The following IFT140 variants were observed in gnomAD, a reference collection of about 807,000 sequenced individuals.
IFT140 encodes intraflagellar transport protein 140 homolog.
IFT140 carries 133 observed loss-of-function variants against 164.6 expected under a neutral mutation model. That is an observed-to-expected ratio of 0.81 (90% CI 0.70 to 0.93). The LOEUF is 0.93. Ranked by LOEUF, IFT140 falls within the 40% of genes least tolerant of loss-of-function variation. The pLI is 0.00. For missense variants in IFT140, 2,045 were observed against 1,972.3 expected (o/e 1.04, Z -0.70); for synonymous variants, 860 against 817.3 (o/e 1.05, Z -0.89).
rs2142099911 is a variant in IFT140 at position 1,607,178 on chromosome 16, A to G, written c.89T>C (p.Leu30Ser). The G allele has an allele frequency of 1.2e-6, 2 of 1,614,186 alleles. No homozygotes were observed. Among genetic ancestry groups the G allele is most frequent in the Non-Finnish European group, 1.7e-6 (2 of 1,180,030 alleles). ...FISWHPVHPFLAVAYISTTST... is the reference protein window; with the variant it reads ...FISWHPVHPFSAVAYISTTST... The stretch of plus-strand genomic sequence containing the variant: ...GGTTGTGCTGATGTAAGCAACTGCC[A>G]AGAATGGATGGACAGGGTGCCAGCT... The change falls in exon 3 of 31, where the codon TTG becomes TCG. Residue 30 changes from leucine (L) to serine (S), a missense_variant. Transcript: ENST00000426508.
rs1420709766 is a variant in IFT140, at chr16:1,558,110, C to T, written c.2224G>A (p.Glu742Lys). 1.1e-5 allele frequency: 17 copies of T among 1,614,160 alleles called. No homozygotes were observed. Among genetic ancestry groups the T allele is most frequent in the East Asian group, 6.7e-5 (3 of 44,876 alleles). ...RKPEEADRED[E>K]VEPGCHHIPQ... Reference sequence around the variant, plus strand: ...ATGTGGTGGCACCCAGGCTCCACCTCGTCTTCTCTGTCTGCTTCTTCGGGC... The same window carrying T: ...ATGTGGTGGCACCCAGGCTCCACCTTGTCTTCTCTGTCTGCTTCTTCGGGC... Residue 742 changes from glutamate (E) to lysine (K), a missense_variant, in exon 19 of 31, where the codon GAG becomes AAG. By Grantham distance (56) the Glu-to-Lys change is moderately conservative. Coordinates refer to ENST00000426508, the MANE Select transcript of IFT140 (RefSeq NM_014714.4).
intron 30 of IFT140, among the ~76,000 whole-genome samples, chr16:1,512,558 T>C (rs977713993): frequency 2.0e-5 from 3 of 152,186 alleles, no homozygotes; most frequent in Admixed American, 6.5e-5. Flanking sequence ...ATTTAAAATG[T>C]GGATTTCCTG....
At chr16:1,609,775 G>A in intron 2 of IFT140, among the ~76,000 whole-genome samples, 1 of 152,262 alleles carries the variant, frequency 6.6e-6, no homozygotes, top group East Asian at 1.9e-4. Flanking sequence ...TTAACACAAG[G>A]AGGAGAGATG....
intron 14 of IFT140, among the ~76,000 whole-genome samples, chr16:1,568,767 G>A (rs551571558): frequency 2.1e-4 from 32 of 151,282 alleles, no homozygotes; most frequent in Non-Finnish European, 1.8e-4. Context: ...AACAAAAAAC[G>A]AAAAAAAACA....
At chr16:1,517,631 A>G (rs1214467559) in intron 30 of IFT140, among the ~76,000 whole-genome samples, 1 of 152,208 alleles carries the variant, frequency 6.6e-6, no homozygotes, top group East Asian at 1.9e-4. Context: ...AAGTGACTAC[A>G]CGCTGTCTCT....
rs1198863651 is a variant in IFT140, at chr16:1,526,490, T to TCATG, written c.2577+125_2577+128dup. ...CCGCTGTCTGCCCAGCTCTCCTGGG[T>TCATG]CATGCCTCTCGGCTCTGCCCACATC... On this transcript the variant is annotated intron_variant, in intron 20 of 30. Transcript: ENST00000426508. 5 of 1,035,842 alleles carry TCATG rather than the reference T, an allele frequency of 4.8e-6. No individual in the cohort carries two copies. In the African/African-American group the frequency reaches 6.5e-5, roughly 13 times the overall value. 64.2% of individuals were successfully genotyped at this position (1,035,842 alleles called of 1,614,324 possible).
chr16:1,607,362 A>C, intron 2 of IFT140, 65 bp from the exon 3 acceptor site: 1 of 1,358,326 alleles, frequency 7.4e-7, no homozygotes, highest in Non-Finnish European at 1.0e-6. Context: ...ATGACTGTAC[A>C]TGGAATGACG....
intron 8 of IFT140, 87 bp from the exon 9 acceptor site, chr16:1,587,391 TAA>T (rs760136686): frequency 8.7e-6 from 7 of 804,356 alleles, no homozygotes; most frequent in Admixed American, 4.1e-5. Flanking sequence ...GAGCAAACAT[TAA>T]AAGTCAGGAA....
chr16:1,524,677 C>T lies in IFT140; in HGVS notation c.3016G>A (p.Glu1006Lys), dbSNP rs375292299. 8.9e-6 allele frequency: 14 copies of T among 1,576,100 alleles called. No homozygotes were observed. Among genetic ancestry groups the T allele is most frequent in the African/African-American group, 8.1e-5 (6 of 73,936 alleles). The change falls in exon 24 of 31, where the codon GAG becomes AAG. Residue 1006 changes from glutamate to lysine, a missense_variant. Glu to Lys is a moderately conservative substitution (Grantham distance 56). Coordinates refer to ENST00000426508, the MANE Select transcript of IFT140 (RefSeq NM_014714.4). ...TAGGAGGCCGCCAGGTTTCCTGTCT[C>T]GTTGGCTATTTGCGCAGCCTAGAAA... Reference protein sequence around the residue: ...NVQKAAQIANETGNLAASYHL... With the variant: ...NVQKAAQIANKTGNLAASYHL...
In IFT140 at chr16:1,592,422, C is replaced by A. The variant is rs2273679; in HGVS notation, c.491+45G>T. On this transcript the variant is annotated intron_variant, in intron 5 of 30. Coordinates refer to ENST00000426508, the MANE Select transcript of IFT140 (RefSeq NM_014714.4). The stretch of plus-strand genomic sequence containing the variant: ...GGAGCAGCCCGCTTCCCACCTCCCC[C>A]GATGTAAACACACACACAGGTCACA... 1.9e-6 allele frequency: 3 copies of A among 1,611,094 alleles called. No individual in the cohort carries two copies. In the South Asian group the frequency reaches 3.3e-5, roughly 18 times the overall value.
At position 1,533,551 on chromosome 16, in the gene IFT140, C is replaced by G. The variant is rs932079491; in HGVS notation, c.2400-6755G>C. 2 of 152,358 alleles carry G rather than the reference C, an allele frequency of 1.3e-5. No homozygotes were observed. The highest frequency in any genetic ancestry group is 2.9e-5 in the Non-Finnish European group (2 of 68,126). The allele number at this position is 152,358 out of a possible 1,614,324, so 9.4% of individuals were successfully genotyped here. A position where few individuals can be genotyped will look rare whatever the true frequency, so the allele number is the denominator to read the frequency against. ...CCTGGAGCAGGGCCTCAGAAGTCTC[C>G]TGGCCTTTCCCATCAGGAAGCACAT... On this transcript the variant is annotated intron_variant, in intron 19 of 30. Coordinates refer to ENST00000426508, the MANE Select transcript of IFT140 (RefSeq NM_014714.4). This position sits in a 1 kb window ranked among gnomAD's most constrained non-coding sequence, Gnocchi z 4.7.
chr16:1,576,054 G>A (rs1428714856), intron 13 of IFT140, among the ~76,000 whole-genome samples: 1 of 152,154 alleles, frequency 6.6e-6, no homozygotes, highest in African/African-American at 2.4e-5. Context: ...GGGAGACTGA[G>A]GCGGGTGGAT....
chr16:1,515,542 G>A (rs1250390642), intron 30 of IFT140, among the ~76,000 whole-genome samples: 1 of 152,106 alleles, frequency 6.6e-6, no homozygotes, highest in Non-Finnish European at 1.5e-5. Context: ...AAGCAGCCAA[G>A]ACTGCAGGTG....
chr16:1,602,317 A>G (rs762437261), intron 4 of IFT140, 53 bp downstream of exon 4: 11 of 1,486,044 alleles, frequency 7.4e-6, no homozygotes, highest in South Asian at 5.7e-5. Context: ...ACTCTCGAGC[A>G]TGGTCAGAAA....
rs1292757904 is a variant in IFT140, at chr16:1,537,269, C to T, written c.2400-10473G>A. On this transcript the variant is annotated intron_variant, in intron 19 of 30. Transcript: ENST00000426508. ...ACACCGCGTGCCTCCTCACGCACAC[C>T]AGGCCACCCTCGGGGTTTCCGGATG... 2.0e-5 allele frequency among the ~76,000 whole-genome samples: 3 copies of T among 152,228 alleles called. No individual in the cohort carries two copies. The East Asian group carries it at 5.8e-4, about 29-fold the overall frequency.
chr16:1,574,274 CACTT>C (rs2034160606), intron 13 of IFT140, among the ~76,000 whole-genome samples: 1 of 152,114 alleles, frequency 6.6e-6, no homozygotes, highest in South Asian at 2.1e-4. Flanking sequence ...GTAGACTACT[CACTT>C]AATTACTTAT....
intron 17 of IFT140, among the ~76,000 whole-genome samples, chr16:1,563,022 C>T (rs1008560454): frequency 3.9e-5 from 6 of 152,090 alleles, no homozygotes; most frequent in Non-Finnish European, 8.8e-5. Context: ...GGCGCATCAT[C>T]ACAGAGCAGA....
rs1383392990 is a variant in IFT140 at position 1,533,983 on chromosome 16, C to T, written c.2400-7187G>A. 6.5e-6 allele frequency: 3 copies of T among 458,430 alleles called. No homozygotes were observed. The highest frequency in any genetic ancestry group is 4.3e-5 in the Admixed American group (1 of 23,212). 28.4% of individuals were successfully genotyped at this position (458,430 alleles called of 1,614,324 possible). The stretch of plus-strand genomic sequence containing the variant: ...GGCCGGCCTCCGCTTCCCGGGAAGA[C>T]GGCGCACTCCTGGCCCTGGGTTCTT... On this transcript the variant is annotated intron_variant, in intron 19 of 30. Transcript: ENST00000426508. The surrounding 1 kb of genome is among the most constrained non-coding windows in gnomAD (Gnocchi z 4.7).
intron 19 of IFT140, among the ~76,000 whole-genome samples, chr16:1,548,482 A>G (rs1489569812): frequency 6.6e-6 from 1 of 152,250 alleles, no homozygotes; most frequent in East Asian, 1.9e-4. Context: ...TTGGCAACAC[A>G]ACTTCATGAA....
Sources: allele counts gnomAD v4.1 joint callset (sites outside exome capture counted in the v4.1 genomes callset), GRCh38; gene constraint gnomAD v4.1.1; non-coding constraint Gnocchi (gnomAD v3.1); transcripts MANE v1.5; gene names NCBI Gene and HGNC (gene_info 2026-07-23, HGNC 2026-07-21).